Variants in GPHN observed in about 807,000 individuals in gnomAD.
GPHN encodes the protein gephyrin.
GPHN carries 17 observed loss-of-function variants against 95.5 expected under a neutral mutation model. That is an observed-to-expected ratio of 0.18 (90% CI 0.12 to 0.27). The LOEUF (loss-of-function observed/expected upper bound fraction) is 0.27. Among genes scored for constraint, GPHN ranks in the 10% least tolerant of loss-of-function variants. The probability of loss-of-function intolerance (pLI) is 1.00; values close to 1 mark genes in which losing one functional copy is unlikely to be tolerated. For missense variants in GPHN, 660 were observed against 978.1 expected, an observed-to-expected ratio of 0.67 and a Z score of 4.34; for synonymous variants, 320 against 322.5, an observed-to-expected ratio of 0.99 and a Z score of 0.08.
rs1260907316 is a variant in GPHN at position 66,543,716 on chromosome 14, C to T, written c.64+35125C>T. 2.0e-5 allele frequency among the ~76,000 whole-genome samples: 3 copies of T among 152,264 alleles called. No individual in the cohort carries two copies. In the East Asian group the frequency reaches 5.8e-4, roughly 29 times the overall value. On this transcript the variant is annotated intron_variant, in intron 1 of 22. Transcript: ENST00000478722. ...ATCCTTGAGACTTCTCTTGCTTTCTCCCACAGCCAACTTATCATCAAAATG... is the reference window on the plus strand; with the variant it reads ...ATCCTTGAGACTTCTCTTGCTTTCTTCCACAGCCAACTTATCATCAAAATG...
At chr14:66,735,600 C>CTA (rs1429906634) in intron 2 of GPHN, among the ~76,000 whole-genome samples, 10 of 152,136 alleles carry the variant, frequency 6.6e-5, no homozygotes, top group African/African-American at 2.4e-4. Flanking sequence ...ATAAACAGAA[C>CTA]TATTAGATAC....
chr14:67,494,375 T>G, the GPHN span, among the ~76,000 whole-genome samples: 1 of 152,232 alleles, frequency 6.6e-6, no homozygotes, highest in Non-Finnish European at 1.5e-5. Flanking sequence ...AAAGAGGTTA[T>G]GCAGCTTTCT....
intron 2 of GPHN, among the ~76,000 whole-genome samples, chr14:66,697,881 G>C (rs1423043684): frequency 1.3e-5 from 2 of 151,736 alleles, no homozygotes; most frequent in Admixed American, 1.3e-4. Flanking sequence ...TTATTGTAGA[G>C]AGAGGATCTC....
intron 1 of GPHN, among the ~76,000 whole-genome samples, chr14:66,525,536 C>T (rs1402041757): frequency 6.6e-6 from 1 of 152,116 alleles, no homozygotes; most frequent in African/African-American, 2.4e-5. Context: ...GTTGCCATTG[C>T]TTTTGGTGTT....
the GPHN span, chr14:67,656,345 G>T: frequency 7.0e-7 from 1 of 1,424,384 alleles, no homozygotes; most frequent in Non-Finnish European, 9.3e-7. Flanking sequence ...TTTGGCCTTA[G>T]TACGGTTTCC....
At chr14:66,944,176 C>T (rs2067598106) in intron 8 of GPHN, among the ~76,000 whole-genome samples, 1 of 152,188 alleles carries the variant, frequency 6.6e-6, no homozygotes, top group Admixed American at 6.5e-5. Flanking sequence ...CCCTTACTAC[C>T]CGACTTTAGC....
chr14:67,010,226 A>C (rs1015226971), intron 9 of GPHN, among the ~76,000 whole-genome samples: 2 of 152,060 alleles, frequency 1.3e-5, no homozygotes, highest in African/African-American at 4.8e-5. Context: ...AAGAGAAGAG[A>C]AAGTAGGGAG....
chr14:67,571,023 C>T, the GPHN span: 3 of 152,188 alleles, frequency 2.0e-5, no homozygotes, highest in African/African-American at 7.2e-5. Context: ...TGCCTGGCCC[C>T]TACCTCCTCC....
At chr14:67,622,283 C>G in the GPHN span, among the ~76,000 whole-genome samples, 1 of 152,118 alleles carries the variant, frequency 6.6e-6, no homozygotes, top group African/African-American at 2.4e-5. Context: ...AAGTTAACTC[C>G]CCACTGTTGC....
chr14:66,796,714 T>C (rs2060169711), intron 3 of GPHN, among the ~76,000 whole-genome samples: 1 of 152,144 alleles, frequency 6.6e-6, no homozygotes, highest in African/African-American at 2.4e-5. Flanking sequence ...TTATATATTC[T>C]GGTCATTAAT....
intron 3 of GPHN, among the ~76,000 whole-genome samples, chr14:66,801,718 A>G (rs956564407): frequency 6.8e-6 from 1 of 146,840 alleles, no homozygotes; most frequent in Non-Finnish European, 1.5e-5. Flanking sequence ...ACTGCACTGG[A>G]TCAGGCCTGA....
intron 10 of GPHN, among the ~76,000 whole-genome samples, chr14:67,053,078 T>G (rs1594949405): frequency 7.0e-6 from 1 of 141,966 alleles, no homozygotes; most frequent in African/African-American, 2.6e-5. Context: ...AGGCCAAAGC[T>G]AGCAGAAGAC....
intron 16 of GPHN, among the ~76,000 whole-genome samples, chr14:67,113,908 C>T (rs937380431): frequency 5.9e-5 from 9 of 152,238 alleles, no homozygotes; most frequent in Middle Eastern, 3.4e-3. Flanking sequence ...ATAAAAGAAT[C>T]AGAAACTATT....
At chr14:67,674,526 CG>C in the GPHN span, 1 of 1,551,716 alleles carries the variant, frequency 6.4e-7, no homozygotes. Context: ...CACCGAGATT[CG>C]GGGCCCTGGG....
the GPHN span, among the ~76,000 whole-genome samples, chr14:67,327,048 A>G: frequency 1.2e-4 from 18 of 152,020 alleles, no homozygotes. Flanking sequence ...GGTGGCATGC[A>G]CCTGTAATCC....
chr14:67,279,168 A>G, the GPHN span: 22 of 1,571,734 alleles, frequency 1.4e-5, no homozygotes, highest in Admixed American at 5.9e-5. Flanking sequence ...TTCATAGATA[A>G]CCATGACAAC....
intron 8 of GPHN, among the ~76,000 whole-genome samples, chr14:66,952,668 C>T (rs2068180506): frequency 6.6e-6 from 1 of 152,112 alleles, no homozygotes. Context: ...TCCAGTTTCT[C>T]TATATCCCTG....
At chr14:67,212,363 A>G in the GPHN span, among the ~76,000 whole-genome samples, 1 of 151,970 alleles carries the variant, frequency 6.6e-6, no homozygotes, top group Non-Finnish European at 1.5e-5. Context: ...TCCCATGGGC[A>G]GATCGCTCAA....
chr14:67,338,005 T>C, the GPHN span: 1 of 152,232 alleles, frequency 6.6e-6, no homozygotes, highest in Non-Finnish European at 1.5e-5. Flanking sequence ...GAGAAAGCTC[T>C]GGCTGACACT....
Sources: gnomAD v4.1 joint callset for allele counts (sites outside exome capture counted in the v4.1 genomes callset) on GRCh38, gnomAD v4.1.1 for gene constraint, MANE v1.5 for transcripts, NCBI Gene and HGNC (gene_info 2026-07-23, HGNC 2026-07-21) for gene names.